SH3GLB1: variants seen among roughly 807,000 people sequenced by gnomAD.
SH3GLB1 encodes SH3 domain containing GRB2 like, endophilin B1.
A neutral mutation model predicts 42.0 loss-of-function variants in SH3GLB1; 17 were observed. The observed-to-expected ratio is 0.40, with a 90% CI of 0.28 to 0.61. The LOEUF is 0.61. SH3GLB1 is among the 20% of genes least tolerant of loss of function. The pLI, the probability that SH3GLB1 is intolerant of heterozygous loss-of-function variation, is 0.36. For synonymous variants in SH3GLB1, 132 were observed against 146.6 expected, an observed-to-expected ratio of 0.90 and a Z score of 0.72; for missense variants, 355 against 426.3, an observed-to-expected ratio of 0.83 and a Z score of 1.47.
intron 2 of SH3GLB1, 125 bp downstream of exon 2, chr1:86,715,990 T>G (rs1654503471): frequency 4.3e-6 from 4 of 935,534 alleles, no homozygotes; most frequent in Non-Finnish European, 6.3e-6. Flanking sequence ...GGTCAGTGGG[T>G]TTTTTTGTGT....
intron 2 of SH3GLB1, 106 bp from the exon 3 acceptor site, chr1:86,719,401 A>T: frequency 1.2e-6 from 1 of 804,812 alleles, no homozygotes; most frequent in East Asian, 3.0e-5. Context: ...GCTTGAATGA[A>T]TGCTAACTTT....
At chr1:86,733,502 T>C (rs990261914) in intron 5 of SH3GLB1, among the ~76,000 whole-genome samples, 3 of 152,312 alleles carry the variant, frequency 2.0e-5, no homozygotes, top group South Asian at 2.1e-4. Context: ...TGGAAAATGC[T>C]ATTTGTGCTG....
At chr1:86,728,577 C>A in intron 5 of SH3GLB1, 3 of 647,610 alleles carry the variant, frequency 4.6e-6, no homozygotes, top group South Asian at 2.7e-5. Context: ...ATAATTGGAA[C>A]CATGTATTCA....
chr1:86,742,361 T>A lies in SH3GLB1; in HGVS notation c.915T>A (p.Ser305Arg). The part of the protein sequence containing the change: ...PSNLSDLKEC[S>R]GSRKARVLYD... Reference sequence around the variant, plus strand: ...ACCTCAGTGACCTTAAGGAGTGTAGTGGCAGCAGAAAGGCCAGGGTTCTCT... The same window carrying A: ...ACCTCAGTGACCTTAAGGAGTGTAGAGGCAGCAGAAAGGCCAGGGTTCTCT... Residue 305 changes from serine to arginine, a missense_variant, in exon 8 of 9, where the codon AGT becomes AGA. Coordinates refer to ENST00000370558, the MANE Select transcript of SH3GLB1 (RefSeq NM_016009.5). 1 of 1,614,112 alleles carries A rather than the reference T, an allele frequency of 6.2e-7. No homozygotes were observed. Among genetic ancestry groups the A allele is most frequent in the Non-Finnish European group, 8.5e-7 (1 of 1,180,004 alleles).
intron 7 of SH3GLB1, among the ~76,000 whole-genome samples, chr1:86,739,270 G>T (rs1427931768): frequency 6.6e-6 from 1 of 152,152 alleles, no homozygotes; most frequent in Non-Finnish European, 1.5e-5. Context: ...GAGGATCAAG[G>T]ACTGATCCCT....
At chr1:86,735,463 T>C (rs1007761011) in intron 7 of SH3GLB1, among the ~76,000 whole-genome samples, 8 of 152,218 alleles carry the variant, frequency 5.3e-5, no homozygotes, top group Admixed American at 1.3e-4. Context: ...TGAATACTTT[T>C]TGCTATTGGT....
rs553987911 is a variant in SH3GLB1 at position 86,710,558 on chromosome 1, C to A, written c.73-5166C>A. The stretch of plus-strand genomic sequence containing the variant: ...GGGATTACAGGCATGAGCCACCGTG[C>A]CTGGCCTTTCTTGAAAGTATTTTTA... On this transcript the variant is annotated intron_variant, in intron 1 of 8. Transcript: ENST00000370558. Among the ~76,000 whole-genome samples the A allele has an allele frequency of 3.0e-4, 45 of 152,346 alleles. No homozygotes were observed. The South Asian group carries it at 6.2e-3, about 21-fold the overall frequency.
intron 7 of SH3GLB1, among the ~76,000 whole-genome samples, chr1:86,735,730 G>A (rs1655749502): frequency 6.6e-6 from 1 of 152,142 alleles, no homozygotes; most frequent in South Asian, 2.1e-4. Context: ...ACATATTGTG[G>A]GGTAATATCA....
rs369632914 is a variant in SH3GLB1, at chr1:86,704,831, C to T, written c.-69C>T. 1.3e-5 allele frequency: 15 copies of T among 1,118,040 alleles called. No homozygotes were observed. In the African/African-American group the frequency reaches 2.0e-4, roughly 15 times the overall value. 69.3% of individuals were successfully genotyped at this position (1,118,040 alleles called of 1,614,324 possible). On this transcript the variant is annotated 5_prime_UTR_variant, in exon 1 of 9. Transcript: ENST00000370558. ...GCCCTCGCCGCTCTAGCCCTGCGCC[C>T]CAGCCCGGCCGCGGCACCTCCGCCT... is the stretch of plus-strand genomic sequence containing the variant.
intron 1 of SH3GLB1, among the ~76,000 whole-genome samples, chr1:86,709,914 T>C (rs540111552): frequency 6.6e-6 from 1 of 152,374 alleles, no homozygotes; most frequent in South Asian, 2.1e-4. Context: ...ATAGCTCCTG[T>C]CAGACCCTCC....
intron 1 of SH3GLB1, among the ~76,000 whole-genome samples, chr1:86,709,946 A>G (rs1320367452): frequency 6.6e-6 from 1 of 152,220 alleles, no homozygotes; most frequent in Non-Finnish European, 1.5e-5. Context: ...GTTTGGCCAA[A>G]CAACTCTCTC....
rs1654474220 is a variant in SH3GLB1 at position 86,715,589 on chromosome 1, A to G, written c.73-135A>G. On this transcript the variant is annotated intron_variant, in intron 1 of 8. Transcript: ENST00000370558. ...GAGCAAAAAAAAGTATTCATAAGCA[A>G]TGGCTTACAAAGCTGGAGCATGGTT... 5.5e-6 allele frequency: 5 copies of G among 902,916 alleles called. No homozygotes were observed. In the East Asian group the frequency reaches 1.1e-4, roughly 20 times the overall value. The allele number at this position is 902,916 out of a possible 1,614,324, so 55.9% of individuals were successfully genotyped here.
rs572470312 is a variant in SH3GLB1 at position 86,728,019 on chromosome 1, G to A, written c.570+3614G>A. On this transcript the variant is annotated intron_variant, in intron 5 of 8. Coordinates refer to ENST00000370558, the MANE Select transcript of SH3GLB1 (RefSeq NM_016009.5). ...CTGAGGCTGATTGAAAGAGAATGTG[G>A]TTGAAGGCATCATAAATTCATAAAA... 4.6e-5 allele frequency among the ~76,000 whole-genome samples: 7 copies of A among 152,118 alleles called. No individual in the cohort carries two copies. The East Asian group carries it at 1.3e-3, about 29-fold the overall frequency.
chr1:86,743,313 A>G lies in SH3GLB1; in HGVS notation c.*78A>G. ...TAACTCTAAATAAAGCAGGTTAAGT[A>G]TCTTCCATGTTAATGTGTTAAGAGA... On this transcript the variant is annotated 3_prime_UTR_variant, in exon 9 of 9. Transcript: ENST00000370558. 1.1e-6 allele frequency: 1 copy of G among 945,458 alleles called. No homozygotes were observed. Among genetic ancestry groups the G allele is most frequent in the Non-Finnish European group, 1.5e-6 (1 of 651,274 alleles). The allele number at this position is 945,458 out of a possible 1,614,324, so 58.6% of individuals were successfully genotyped here.
At chr1:86,730,182 G>A in intron 5 of SH3GLB1, 3 of 1,537,286 alleles carry the variant, frequency 2.0e-6, no homozygotes, top group Non-Finnish European at 2.6e-6. Flanking sequence ...AATATGTATT[G>A]GGCAACAACC....
rs374412393 is a variant in SH3GLB1 at position 86,704,976 on chromosome 1, C to T, written c.72+5C>T. 1.9e-5 allele frequency: 30 copies of T among 1,569,536 alleles called. No individual in the cohort carries two copies. The African/African-American group carries it at 4.0e-4, about 21-fold the overall frequency. ...TTCCTCAGTCGCGCCGTGCAGGTAC[C>T]CTGGTGCTGGGGGGAAAAGGGGTGG... On this transcript the variant is annotated splice_donor_5th_base_variant and intron_variant, in intron 1 of 8. Coordinates refer to ENST00000370558, the MANE Select transcript of SH3GLB1 (RefSeq NM_016009.5).
At chr1:86,722,094 C>G (rs1377198746) in intron 3 of SH3GLB1, among the ~76,000 whole-genome samples, 1 of 147,664 alleles carries the variant, frequency 6.8e-6, no homozygotes, top group African/African-American at 2.5e-5. Flanking sequence ...TCAAACGATC[C>G]TCCTCCCTCA....
At position 86,743,325 on chromosome 1, in the gene SH3GLB1, A is replaced by G. The variant is rs1656154776; in HGVS notation, c.*90A>G. On this transcript the variant is annotated 3_prime_UTR_variant, in exon 9 of 9. Coordinates refer to ENST00000370558, the MANE Select transcript of SH3GLB1 (RefSeq NM_016009.5). ...AAGCAGGTTAAGTATCTTCCATGTT[A>G]ATGTGTTAAGAGACTGAAAATACCA... 2.4e-6 allele frequency: 2 copies of G among 825,236 alleles called. No homozygotes were observed. Among genetic ancestry groups the G allele is most frequent in the African/African-American group, 3.5e-5 (2 of 57,286 alleles). 51.1% of individuals were successfully genotyped at this position (825,236 alleles called of 1,614,324 possible).
intron 1 of SH3GLB1, among the ~76,000 whole-genome samples, chr1:86,708,729 A>G (rs1654018554): frequency 6.6e-6 from 1 of 152,222 alleles, no homozygotes; most frequent in Non-Finnish European, 1.5e-5. Flanking sequence ...TTATTTTACT[A>G]GAGTTTTAAA....
Sources: gnomAD v4.1 joint callset for allele counts (sites outside exome capture counted in the v4.1 genomes callset) on GRCh38, gnomAD v4.1.1 for gene constraint, MANE v1.5 for transcripts, NCBI Gene and HGNC (gene_info 2026-07-23, HGNC 2026-07-21) for gene names.